Variants in GALNTL6 observed in about 807,000 individuals in gnomAD.
The protein encoded by GALNTL6 is polypeptide N-acetylgalactosaminyltransferase like 6, also known as polypeptide N-acetylgalactosaminyltransferase-like 6.
GALNTL6 carries 46 observed loss-of-function variants against 73.7 expected under a neutral mutation model. The ratio of observed to expected loss-of-function variants is 0.62; its 90% CI spans 0.49 to 0.80. The LOEUF (loss-of-function observed/expected upper bound fraction) is 0.80. Ranked by LOEUF, GALNTL6 falls within the 30% of genes least tolerant of loss-of-function variation. GALNTL6 has a pLI of 0.00. For missense variants in GALNTL6, 604 were observed against 755.0 expected, an observed-to-expected ratio of 0.80 and a Z score of 2.34; for synonymous variants, 259 against 263.7, an observed-to-expected ratio of 0.98 and a Z score of 0.17.
In GALNTL6 at chr4:172,951,364, C is replaced by T. The variant is rs116645602; in HGVS notation, c.1150-673C>T. On this transcript the variant is annotated intron_variant, in intron 9 of 12. Transcript: ENST00000506823. ...TCCTACACTGAATCCATACACTCTC[C>T]TACACCTAAGATCCATGCTTATTCC... Among the ~76,000 whole-genome samples, 1,206 of 152,334 alleles carry T rather than the reference C, an allele frequency of 7.9e-3. 14 individuals are homozygous for T. The highest frequency in any genetic ancestry group is 0.028 in the African/African-American group (1,163 of 41,560).
chr4:172,335,052 C>T (rs1741264675), intron 4 of GALNTL6, among the ~76,000 whole-genome samples: 1 of 151,332 alleles, frequency 6.6e-6, no homozygotes, highest in South Asian at 2.1e-4. Context: ...ACGATCTCTG[C>T]CCACTGCAAG....
intron 5 of GALNTL6, among the ~76,000 whole-genome samples, chr4:172,629,725 G>T (rs778698687): frequency 2.0e-5 from 3 of 152,144 alleles, no homozygotes; most frequent in Non-Finnish European, 4.4e-5. Context: ...GGTATAGATA[G>T]AAATGAAGGC....
At chr4:172,913,139 C>A (rs1182188980) in intron 8 of GALNTL6, among the ~76,000 whole-genome samples, 1 of 152,164 alleles carries the variant, frequency 6.6e-6, no homozygotes, top group Non-Finnish European at 1.5e-5. Context: ...TCCAACAGAT[C>A]TGCAGCTAAG....
chr4:172,979,159 G>A (rs9997573), intron 10 of GALNTL6, among the ~76,000 whole-genome samples: 18,200 of 152,196 alleles, frequency 0.12, 1,159 homozygotes, highest in Non-Finnish European at 0.15. Flanking sequence ...AGTAACTGGA[G>A]TGTTGGGGTT....
chr4:172,359,275 A>G (rs941719475), intron 5 of GALNTL6, among the ~76,000 whole-genome samples: 2 of 152,196 alleles, frequency 1.3e-5, no homozygotes, highest in Non-Finnish European at 2.9e-5. Context: ...GCAGACTAAC[A>G]TAGGAATAGA....
chr4:172,682,328 C>T (rs1265120525), intron 5 of GALNTL6, among the ~76,000 whole-genome samples: 1 of 152,050 alleles, frequency 6.6e-6, no homozygotes, highest in Non-Finnish European at 1.5e-5. Flanking sequence ...AGTTGTATCT[C>T]ATTAAATATT....
chr4:172,761,669 T>TTC (rs33989573), intron 5 of GALNTL6, among the ~76,000 whole-genome samples: 68,665 of 146,998 alleles, frequency 0.47, 16,757 homozygotes, highest in East Asian at 0.69. Context: ...CTTGCTCTCT[T>TTC]TCTCTCTCTC....
chr4:172,018,037 C>T (rs1741264860), intron 2 of GALNTL6, among the ~76,000 whole-genome samples: 1 of 152,082 alleles, frequency 6.6e-6, no homozygotes, highest in African/African-American at 2.4e-5. Context: ...GATTTGGGAC[C>T]TCTGATTAGC....
chr4:172,673,754 T>C (rs1008122911), intron 5 of GALNTL6, among the ~76,000 whole-genome samples: 4 of 152,260 alleles, frequency 2.6e-5, no homozygotes, highest in Non-Finnish European at 4.4e-5. Flanking sequence ...TTGACTGTTT[T>C]GGTTTAAAGT....
chr4:171,918,263 C>T (rs1329590974), intron 2 of GALNTL6, among the ~76,000 whole-genome samples: 2 of 151,980 alleles, frequency 1.3e-5, no homozygotes, highest in South Asian at 2.1e-4. Context: ...AATGTAGGTG[C>T]GTTAAGATAT....
At chr4:172,839,677 G>A (rs1252015338) in intron 7 of GALNTL6, among the ~76,000 whole-genome samples, 2 of 152,204 alleles carry the variant, frequency 1.3e-5, no homozygotes, top group Non-Finnish European at 1.5e-5. Flanking sequence ...CCTTACAGGA[G>A]ATGAGTTAAG....
intron 5 of GALNTL6, among the ~76,000 whole-genome samples, chr4:172,633,097 A>C (rs1228298533): frequency 6.6e-6 from 1 of 152,202 alleles, no homozygotes. Context: ...CTGCTAGGGC[A>C]GTGTGGAAGG....
chr4:171,971,654 T>C (rs1739572139), intron 2 of GALNTL6, among the ~76,000 whole-genome samples: 1 of 152,160 alleles, frequency 6.6e-6, no homozygotes. Context: ...TTGAGTTGAT[T>C]TGTAGGTTTC....
intron 2 of GALNTL6, among the ~76,000 whole-genome samples, chr4:171,834,395 C>A (rs970618088): frequency 1.3e-5 from 2 of 151,902 alleles, no homozygotes; most frequent in Non-Finnish European, 2.9e-5. Context: ...TTCCTTATTA[C>A]AACATTGCTT....
intron 5 of GALNTL6, among the ~76,000 whole-genome samples, chr4:172,540,415 T>C (rs1285329147): frequency 1.3e-5 from 2 of 151,680 alleles, no homozygotes; most frequent in South Asian, 2.1e-4. Flanking sequence ...TGGGTAAAGA[T>C]GATTAAAAAC....
At chr4:172,574,165 A>C (rs1288108877) in intron 5 of GALNTL6, among the ~76,000 whole-genome samples, 1 of 152,214 alleles carries the variant, frequency 6.6e-6, no homozygotes, top group African/African-American at 2.4e-5. Flanking sequence ...ACTATTGCTT[A>C]AGAATAGGTT....
intron 9 of GALNTL6, among the ~76,000 whole-genome samples, chr4:172,933,575 C>T (rs983976070): frequency 1.3e-5 from 2 of 151,760 alleles, no homozygotes; most frequent in Non-Finnish European, 2.9e-5. Context: ...TTCTAAACTG[C>T]TAGAGCAATC....
rs1388285116 is a variant in GALNTL6 at position 172,071,713 on chromosome 4, G to A, written c.139-157943G>A. Reference sequence around the variant, plus strand: ...ATTTATTCAGAGCTTGCTAGTGCAAGGGAGTCAGCAATAGTATCTTGCATT... The same window carrying A: ...ATTTATTCAGAGCTTGCTAGTGCAAAGGAGTCAGCAATAGTATCTTGCATT... On this transcript the variant is annotated intron_variant, in intron 2 of 12. Transcript: ENST00000506823. 6.9e-5 allele frequency among the ~76,000 whole-genome samples: 3 copies of A among 43,466 alleles called. 1 individual carries two copies. In the East Asian group the frequency reaches 9.2e-4, roughly 13 times the overall value. The allele number at this position is 43,466 out of a possible 152,430, so 28.5% of individuals were successfully genotyped here. A position where few individuals can be genotyped will look rare whatever the true frequency, so the allele number is the denominator to read the frequency against.
At chr4:172,811,150 CCA>C (rs2110991626) in intron 6 of GALNTL6, among the ~76,000 whole-genome samples, 1 of 152,272 alleles carries the variant, frequency 6.6e-6, no homozygotes, top group Non-Finnish European at 1.5e-5. Flanking sequence ...ACAGGCAGAG[CCA>C]CACAGTTTCT....
Sources: allele counts gnomAD v4.1 joint callset (sites outside exome capture counted in the v4.1 genomes callset), GRCh38; gene constraint gnomAD v4.1.1; transcripts MANE v1.5; gene names NCBI Gene and HGNC (gene_info 2026-07-23, HGNC 2026-07-21).